Variants in EPB41 observed in about 807,000 individuals in gnomAD.
The protein encoded by EPB41 is protein 4.1.
A neutral mutation model predicts 108.0 loss-of-function variants in EPB41; 65 were observed. The observed-to-expected ratio is 0.60, with a 90% confidence interval of 0.49 to 0.74. The LOEUF is 0.74. Among genes scored for constraint, EPB41 ranks in the 30% least tolerant of loss-of-function variants. The pLI, the probability that EPB41 is intolerant of heterozygous loss-of-function variation, is 0.00. For synonymous variants in EPB41, 336 were observed against 358.9 expected (o/e 0.94, Z 0.72); for missense variants, 875 against 1,037.0 (o/e 0.84, Z 2.15).
chr1:29,011,122 CAAAAAAA>C (rs71022386), intron 4 of EPB41, among the ~76,000 whole-genome samples: 2 of 113,782 alleles, frequency 1.8e-5, no homozygotes, highest in African/African-American at 6.7e-5. Context: ...GAAACTCTGT[CAAAAAAA>C]AAAAAAAAAG....
upstream of EPB41, among the ~76,000 whole-genome samples, chr1:28,913,839 C>A (rs1215011445): frequency 6.6e-6 from 1 of 152,176 alleles, no homozygotes; most frequent in African/African-American, 2.4e-5. Flanking sequence ...AAGCAATTGT[C>A]AGAGCAACCC....
At chr1:28,900,287 C>CTTT (rs1557618936) in intron 1 of EPB41, among the ~76,000 whole-genome samples, 2 of 149,328 alleles carry the variant, frequency 1.3e-5, no homozygotes. Flanking sequence ...TTTACTTCTT[C>CTTT]TTCTTTTTTT....
chr1:29,092,881 G>A (rs113967016), intron 16 of EPB41, among the ~76,000 whole-genome samples: 4,873 of 152,220 alleles, frequency 0.032, 122 homozygotes, highest in Middle Eastern at 0.075. Context: ...AAGGACATGA[G>A]CTCGTTCTTT....
chr1:29,096,482 G>A, intron 16 of EPB41: 1 of 985,884 alleles, frequency 1.0e-6, no homozygotes, highest in Non-Finnish European at 1.2e-6. Flanking sequence ...GCAACCTGGT[G>A]TAAAAAAGGC....
intron 1 of EPB41, among the ~76,000 whole-genome samples, chr1:28,908,346 A>T (rs1230969553): frequency 6.6e-6 from 1 of 151,058 alleles, no homozygotes; most frequent in Non-Finnish European, 1.5e-5. Context: ...AGGCCGCGGC[A>T]AGCCGAGATT....
intron 1 of EPB41, among the ~76,000 whole-genome samples, chr1:28,894,859 C>A (rs1446393123): frequency 6.6e-6 from 1 of 152,142 alleles, no homozygotes; most frequent in Non-Finnish European, 1.5e-5. Context: ...TGGGAGGGGA[C>A]TATGTGTTCC....
At chr1:28,967,125 T>C (rs1387770554) in intron 1 of EPB41, among the ~76,000 whole-genome samples, 2 of 149,978 alleles carry the variant, frequency 1.3e-5, no homozygotes, top group African/African-American at 4.9e-5. Flanking sequence ...TTCAAGCGAT[T>C]CTCCTGCCTC....
chr1:28,999,168 A>G (rs2096246738), intron 4 of EPB41, among the ~76,000 whole-genome samples: 1 of 152,178 alleles, frequency 6.6e-6, no homozygotes. Context: ...CAGGAGATCA[A>G]GACCATCCTG....
chr1:28,901,751 C>A (rs988598632), intron 1 of EPB41, among the ~76,000 whole-genome samples: 2 of 152,066 alleles, frequency 1.3e-5, no homozygotes, highest in African/African-American at 4.8e-5. Context: ...CCAGGCTGGT[C>A]TCGAACTCCT....
At chr1:29,069,090 TCCCA>T in intron 16 of EPB41, 3 of 1,082,636 alleles carry the variant, frequency 2.8e-6, no homozygotes, top group Non-Finnish European at 3.5e-6. Context: ...GTCTTTCTTC[TCCCA>T]CTTTATTTTC....
At chr1:29,064,216 C>T (rs3003628) in intron 15 of EPB41, among the ~76,000 whole-genome samples, 51,358 of 151,972 alleles carry the variant, frequency 0.34, 10,804 homozygotes, top group African/African-American at 0.59. Context: ...CTGTTTTGAG[C>T]TGTACTAAGT....
At chr1:28,935,370 G>A (rs539958107) in intron 1 of EPB41, among the ~76,000 whole-genome samples, 2 of 142,554 alleles carry the variant, frequency 1.4e-5, no homozygotes, top group South Asian at 4.6e-4. Context: ...GAGAGGCAGA[G>A]GTTGCAGAGA....
intron 1 of EPB41, among the ~76,000 whole-genome samples, chr1:28,921,791 C>A (rs941516752): frequency 6.6e-6 from 1 of 151,392 alleles, no homozygotes; most frequent in Admixed American, 6.6e-5. Context: ...AAAATGAGCT[C>A]TTTGTGAGGT....
Position 28,980,552 on chromosome 1 carries a change from A to T in EPB41, c.-7-6879A>T, listed in dbSNP as rs556052263. On this transcript the variant is annotated intron_variant, in intron 1 of 20. Coordinates refer to ENST00000343067, the MANE Select transcript of EPB41 (RefSeq NM_001376013.1). ...TGGTGAAACTCCATCTTTAAAAAAAATTTTTTTTTTTTTAATTAGCTGGGC... is the reference window on the plus strand; with the variant it reads ...TGGTGAAACTCCATCTTTAAAAAAATTTTTTTTTTTTTTAATTAGCTGGGC... Among the ~76,000 whole-genome samples, 681 of 146,292 alleles carry T rather than the reference A, an allele frequency of 4.7e-3. 4 individuals carry two copies. Among genetic ancestry groups the T allele is most frequent in the African/African-American group, 0.016 (630 of 39,998 alleles).
chr1:29,056,233 C>CAAAAAAAAAAAAAA (rs1388048465), intron 12 of EPB41, among the ~76,000 whole-genome samples: 2 of 56,518 alleles, frequency 3.5e-5, no homozygotes, highest in African/African-American at 1.2e-4. Flanking sequence ...GACTCCGTCT[C>CAAAAAAAAAAAAAA]AAAAAAAAAA....
intron 11 of EPB41, among the ~76,000 whole-genome samples, chr1:29,050,774 C>T (rs1455297812): frequency 6.6e-6 from 1 of 151,892 alleles, no homozygotes; most frequent in African/African-American, 2.4e-5. Flanking sequence ...CTCCTGGGTT[C>T]AGGCCATTCA....
intron 1 of EPB41, among the ~76,000 whole-genome samples, chr1:28,973,209 A>C (rs1328147968): frequency 2.0e-5 from 3 of 152,136 alleles, no homozygotes; most frequent in African/African-American, 7.2e-5. Context: ...TGACTAGGGA[A>C]GTAAAAGGGC....
At chr1:29,064,264 CG>C (rs1646985000) in intron 15 of EPB41, among the ~76,000 whole-genome samples, 1 of 151,904 alleles carries the variant, frequency 6.6e-6, no homozygotes, top group Non-Finnish European at 1.5e-5. Context: ...AAGCCTAAGG[CG>C]TTTAGTTTAT....
intron 1 of EPB41, among the ~76,000 whole-genome samples, chr1:28,940,457 G>T (rs2094232117): frequency 6.6e-6 from 1 of 152,106 alleles, no homozygotes; most frequent in Non-Finnish European, 1.5e-5. Context: ...TTTGAGACCA[G>T]CCTGGTCAGC....
Sources: allele counts gnomAD v4.1 joint callset (sites outside exome capture counted in the v4.1 genomes callset), GRCh38; gene constraint gnomAD v4.1.1; transcripts MANE v1.5; gene names NCBI Gene and HGNC (gene_info 2026-07-23, HGNC 2026-07-21).